Variants in APIP observed in about 807,000 individuals in gnomAD.
The protein encoded by APIP is APAF1 interacting protein.
Under a neutral mutation model 32.0 loss-of-function variants are expected in APIP, and 32 were observed. The observed-to-expected ratio is 1.00, with a 90% CI of 0.76 to 1.34. The LOEUF (loss-of-function observed/expected upper bound fraction) is 1.34, where lower values mean the gene tolerates loss of function less well. Among genes scored for constraint, APIP ranks in the 40% most tolerant of loss-of-function variants. APIP has a pLI of 0.00. For missense variants in APIP, 247 were observed against 298.6 expected (o/e 0.83, Z 1.27); for synonymous variants, 92 against 94.8 (o/e 0.97, Z 0.17).
intron 1 of APIP, among the ~76,000 whole-genome samples, chr11:34,907,936 A>G (rs138506174): frequency 1.3e-5 from 2 of 152,326 alleles, no homozygotes; most frequent in East Asian, 3.9e-4. Flanking sequence ...CTCACAGCCA[A>G]CAATGGCTCT....
intron 1 of APIP, among the ~76,000 whole-genome samples, chr11:34,899,709 A>G (rs1421917382): frequency 6.6e-6 from 1 of 152,196 alleles, no homozygotes; most frequent in Non-Finnish European, 1.5e-5. Flanking sequence ...AAGTGCGACT[A>G]GGCCCAAAAG....
chr11:34,890,492 C>T lies in APIP; in HGVS notation c.207+12G>A, dbSNP rs537293205. ...GAAAAGACACTGAGGTTAAAGAATC[C>T]CATTACCATACCTGAATTCGTTCCT... On this transcript the variant is annotated intron_variant, in intron 3 of 6. Transcript: ENST00000395787. 2.5e-6 allele frequency: 4 copies of T among 1,604,724 alleles called. No individual in the cohort carries two copies. Among genetic ancestry groups the T allele is most frequent in the Middle Eastern group, 1.9e-4 (1 of 5,220 alleles).
rs1052520586 is a variant in APIP, at chr11:34,916,005, C to G, written c.57+223G>C. ...CTTTCCAACGTTTGGCGCCCAGCTC[C>G]CGCCATCGGAGCGCCCCGCCCGAGA... On this transcript the variant is annotated intron_variant, in intron 1 of 6. Coordinates refer to ENST00000395787, the MANE Select transcript of APIP (RefSeq NM_015957.4). 10 of 607,870 alleles carry G rather than the reference C, an allele frequency of 1.6e-5. No individual in the cohort carries two copies. In the Admixed American group the frequency reaches 3.1e-4, roughly 19 times the overall value. The allele number at this position is 607,870 out of a possible 1,614,324, so 37.7% of individuals were successfully genotyped here.
intron 5 of APIP, among the ~76,000 whole-genome samples, chr11:34,885,112 TTA>T (rs1853042519): frequency 6.7e-6 from 1 of 148,286 alleles, no homozygotes. Context: ...TACATGTATA[TTA>T]TATATATTAT....
intron 1 of APIP, among the ~76,000 whole-genome samples, chr11:34,897,878 A>G (rs908589500): frequency 1.3e-5 from 2 of 152,190 alleles, no homozygotes; most frequent in South Asian, 2.1e-4. Flanking sequence ...CCTGGGCCCT[A>G]TGAAAATCAG....
chr11:34,901,919 C>T (rs1043290779), intron 1 of APIP, among the ~76,000 whole-genome samples: 3 of 152,114 alleles, frequency 2.0e-5, no homozygotes, highest in Admixed American at 6.5e-5. Context: ...GGCTAGAAGC[C>T]GTTATTAATA....
At chr11:34,891,120 A>AT (rs906402923) in intron 2 of APIP, among the ~76,000 whole-genome samples, 15 of 152,266 alleles carry the variant, frequency 9.9e-5, no homozygotes, top group African/African-American at 3.6e-4. Context: ...AAAAGCATAC[A>AT]TATCTTGGAA....
At chr11:34,897,299 T>C (rs1197548590) in intron 1 of APIP, among the ~76,000 whole-genome samples, 4 of 152,226 alleles carry the variant, frequency 2.6e-5, no homozygotes, top group Non-Finnish European at 2.9e-5. Flanking sequence ...TAATCCACAT[T>C]ACTGGATTTA....
At chr11:34,912,573 A>G (rs1185209137) in intron 1 of APIP, among the ~76,000 whole-genome samples, 1 of 152,186 alleles carries the variant, frequency 6.6e-6, no homozygotes, top group African/African-American at 2.4e-5. Flanking sequence ...GGGCTGGGAA[A>G]GGCAGGCCCA....
chr11:34,890,725 T>G, intron 2 of APIP, 173 bp from the exon 3 acceptor site: 1 of 543,284 alleles, frequency 1.8e-6, no homozygotes, highest in Non-Finnish European at 3.2e-6. Context: ...TCAATGCCTT[T>G]GTAGTGCTGG....
chr11:34,911,335 T>C (rs547274960), intron 1 of APIP, among the ~76,000 whole-genome samples: 33 of 152,224 alleles, frequency 2.2e-4, no homozygotes, highest in Non-Finnish European at 3.1e-4. Context: ...ACTGTGATAG[T>C]TAAGGTAAAA....
chr11:34,903,854 T>C (rs1196591322), intron 1 of APIP, among the ~76,000 whole-genome samples: 1 of 152,186 alleles, frequency 6.6e-6, no homozygotes, highest in East Asian at 1.9e-4. Flanking sequence ...AAACACCACT[T>C]GCCAGCCTCC....
intron 1 of APIP, among the ~76,000 whole-genome samples, chr11:34,908,012 T>C (rs1160281353): frequency 6.6e-6 from 1 of 152,156 alleles, no homozygotes; most frequent in African/African-American, 2.4e-5. Context: ...AGATACAGGT[T>C]TTCCTGGAAG....
intron 2 of APIP, among the ~76,000 whole-genome samples, chr11:34,893,862 G>A (rs992513435): frequency 1.3e-5 from 2 of 152,112 alleles, no homozygotes; most frequent in Non-Finnish European, 2.9e-5. Context: ...TCCTTAATAT[G>A]CAATGCAGCC....
At chr11:34,884,561 C>CA (rs1244822321) in intron 5 of APIP, among the ~76,000 whole-genome samples, 2 of 152,014 alleles carry the variant, frequency 1.3e-5, no homozygotes, top group Admixed American at 6.6e-5. Flanking sequence ...CCCATCTGTA[C>CA]AAAAAATACA....
In APIP at chr11:34,883,454, T is replaced by C; in HGVS notation, c.512A>G (p.Lys171Arg). The stretch of plus-strand genomic sequence containing the variant: ...ATGAGCCATTCTATCTTTGAGGTCT[T>C]TCTCCTCAGGTGTATTCTCAATAAT... ...VPIIENTPEE[K>R]DLKDRMAHAM... Residue 171 changes from lysine to arginine, a missense_variant, in exon 6 of 7, where the codon AAA becomes AGA. Coordinates refer to ENST00000395787, the MANE Select transcript of APIP (RefSeq NM_015957.4). 6.2e-7 allele frequency: 1 copy of C among 1,614,078 alleles called. No individual in the cohort carries two copies. The highest frequency in any genetic ancestry group is 8.5e-7 in the Non-Finnish European group (1 of 1,179,966).
intron 1 of APIP, among the ~76,000 whole-genome samples, chr11:34,912,297 T>C (rs1457475311): frequency 6.6e-6 from 1 of 152,170 alleles, no homozygotes; most frequent in Non-Finnish European, 1.5e-5. Flanking sequence ...AAAAGATATA[T>C]AATATCTTTT....
chr11:34,883,219 A>T, intron 6 of APIP, 118 bp downstream of exon 6: 1 of 1,120,104 alleles, frequency 8.9e-7, no homozygotes, highest in Non-Finnish European at 1.2e-6. Flanking sequence ...ACATAATAAA[A>T]ATAAAGTATC....
intron 1 of APIP, among the ~76,000 whole-genome samples, chr11:34,908,302 A>G (rs1183428059): frequency 1.3e-5 from 2 of 152,230 alleles, no homozygotes; most frequent in African/African-American, 4.8e-5. Flanking sequence ...AATAACTCCA[A>G]GATACCCAGT....
Sources: gnomAD v4.1 joint callset for allele counts (sites outside exome capture counted in the v4.1 genomes callset) on GRCh38, gnomAD v4.1.1 for gene constraint, MANE v1.5 for transcripts, NCBI Gene and HGNC (gene_info 2026-07-23, HGNC 2026-07-21) for gene names.